CNTNAP2: variants seen among roughly 807,000 people sequenced by gnomAD.
The protein encoded by CNTNAP2 is contactin-associated protein-like 2.
In CNTNAP2, 98 loss-of-function variants were observed where a neutral mutation model predicts 155.2. The ratio of observed to expected loss-of-function variants is 0.63; its 90% CI spans 0.54 to 0.75. The LOEUF (loss-of-function observed/expected upper bound fraction) is 0.75. CNTNAP2 is among the 30% of genes least tolerant of loss of function. The probability of loss-of-function intolerance (pLI) is 0.00; values close to 1 mark genes in which losing one functional copy is unlikely to be tolerated. For missense variants in CNTNAP2, 1,727 were observed against 1,688.1 expected, an observed-to-expected ratio of 1.02 and a Z score of -0.40; for synonymous variants, 651 against 631.2, an observed-to-expected ratio of 1.03 and a Z score of -0.47.
intron 1 of CNTNAP2, among the ~76,000 whole-genome samples, chr7:146,445,259 C>G (rs1396804401): frequency 6.6e-6 from 1 of 152,126 alleles, no homozygotes; most frequent in Non-Finnish European, 1.5e-5. Context: ...GTTGTTGTAA[C>G]TGTAAATGGG....
intron 15 of CNTNAP2, among the ~76,000 whole-genome samples, chr7:148,063,660 G>A (rs558987393): frequency 6.6e-6 from 1 of 151,360 alleles, no homozygotes; most frequent in South Asian, 2.1e-4. Flanking sequence ...TGTAGTGGGT[G>A]ACAACCCACT....
intron 3 of CNTNAP2, among the ~76,000 whole-genome samples, chr7:146,962,477 TTTGG>T (rs1797574329): frequency 1.3e-5 from 2 of 152,198 alleles, no homozygotes; most frequent in African/African-American, 4.8e-5. Context: ...TTTAACCCAC[TTTGG>T]GTAAAATATG....
chr7:146,642,573 G>A (rs1195091901), intron 1 of CNTNAP2, among the ~76,000 whole-genome samples: 1 of 151,458 alleles, frequency 6.6e-6, no homozygotes, highest in African/African-American at 2.4e-5. Context: ...GGACATTTGG[G>A]TTGGTTCCAA....
At chr7:148,142,127 G>A (rs1040104968) in intron 16 of CNTNAP2, among the ~76,000 whole-genome samples, 3 of 151,594 alleles carry the variant, frequency 2.0e-5, no homozygotes, top group Non-Finnish European at 4.4e-5. Flanking sequence ...GTGTGTGTGT[G>A]TGTGTGTTTG....
chr7:146,322,634 C>CTCTTTTTTTTTT (rs748751758), intron 1 of CNTNAP2, among the ~76,000 whole-genome samples: 8 of 64,960 alleles, frequency 1.2e-4, no homozygotes, highest in Non-Finnish European at 1.9e-4. Flanking sequence ...TGTTCATTCT[C>CTCTTTTTTTTTT]TTTTTTTTTT....
chr7:146,999,049 A>G (rs1211463615), intron 3 of CNTNAP2, among the ~76,000 whole-genome samples: 1 of 151,870 alleles, frequency 6.6e-6, no homozygotes, highest in Non-Finnish European at 1.5e-5. Context: ...GTTGTTATAC[A>G]GATTCATTCT....
chr7:146,928,468 A>C (rs757377831), intron 3 of CNTNAP2, among the ~76,000 whole-genome samples: 15 of 152,216 alleles, frequency 9.9e-5, no homozygotes, highest in Non-Finnish European at 1.9e-4. Flanking sequence ...AAGATGGCCA[A>C]ATAGGAACAG....
At chr7:147,838,668 A>G (rs955375472) in intron 13 of CNTNAP2, among the ~76,000 whole-genome samples, 7 of 152,170 alleles carry the variant, frequency 4.6e-5, no homozygotes, top group African/African-American at 1.7e-4. Flanking sequence ...TCCTCATTCC[A>G]TCTGAGACTA....
rs150666074 is a variant in CNTNAP2, at chr7:146,321,823, T to C, written c.97+204850T>C. Among the ~76,000 whole-genome samples the C allele has an allele frequency of 1.5e-3, 228 of 152,300 alleles. 1 individual carries two copies. Among genetic ancestry groups the C allele is most frequent in the African/African-American group, 5.1e-3 (211 of 41,572 alleles). On this transcript the variant is annotated intron_variant, in intron 1 of 23. Coordinates refer to ENST00000361727, the MANE Select transcript of CNTNAP2 (RefSeq NM_014141.6). The stretch of plus-strand genomic sequence containing the variant: ...TCATCTGTGGTCACAAAGGCACAAG[T>C]AATCTAGTTTAAAATATCTAGAATG...
intron 14 of CNTNAP2, among the ~76,000 whole-genome samples, chr7:147,919,108 G>A (rs1800213196): frequency 6.6e-6 from 1 of 152,088 alleles, no homozygotes; most frequent in Non-Finnish European, 1.5e-5. Context: ...GAAGGTGGAG[G>A]AAGAAATCCA....
intron 8 of CNTNAP2, among the ~76,000 whole-genome samples, chr7:147,249,105 A>C (rs1349814778): frequency 1.3e-5 from 2 of 152,194 alleles, no homozygotes; most frequent in African/African-American, 4.8e-5. Flanking sequence ...AAGTTTCATC[A>C]ATATAGCTTG....
intron 3 of CNTNAP2, among the ~76,000 whole-genome samples, chr7:146,888,989 C>T (rs772089424): frequency 3.3e-5 from 5 of 151,904 alleles, no homozygotes; most frequent in Non-Finnish European, 7.4e-5. Flanking sequence ...TAGTTCTTAA[C>T]CACAGAGACA....
intron 3 of CNTNAP2, among the ~76,000 whole-genome samples, chr7:146,947,494 A>G (rs190229229): frequency 7.0e-6 from 1 of 142,862 alleles, no homozygotes; most frequent in Non-Finnish European, 1.5e-5. Context: ...ATATATACAT[A>G]TATATCTTTC....
chr7:148,097,013 C>G (rs1338131015), intron 15 of CNTNAP2, among the ~76,000 whole-genome samples: 1 of 152,104 alleles, frequency 6.6e-6, no homozygotes, highest in Non-Finnish European at 1.5e-5. Context: ...CTTCTCCCAG[C>G]CAAATCCATG....
chr7:146,636,493 G>T (rs1016814051), intron 1 of CNTNAP2, among the ~76,000 whole-genome samples: 28 of 151,880 alleles, frequency 1.8e-4, no homozygotes, highest in African/African-American at 6.8e-4. Context: ...TCCAATTTTT[G>T]CCTCTTATAA....
Position 147,474,992 on chromosome 7 carries a change from C to T in CNTNAP2, c.1671-10943C>T, listed in dbSNP as rs186269667. On this transcript the variant is annotated intron_variant, in intron 10 of 23. Coordinates refer to ENST00000361727, the MANE Select transcript of CNTNAP2 (RefSeq NM_014141.6). ...AAAACAAATGGAAGCATATTATAAA[C>T]GCTGTTCTGTCCCTCTTGCTTTCTT... Among the ~76,000 whole-genome samples, 543 of 152,324 alleles carry T rather than the reference C, an allele frequency of 3.6e-3. 4 individuals are homozygous for T. Among genetic ancestry groups the T allele is most frequent in the African/African-American group, 5.6e-3 (232 of 41,566 alleles).
At chr7:147,686,147 G>T (rs1445913689) in intron 13 of CNTNAP2, among the ~76,000 whole-genome samples, 1 of 152,100 alleles carries the variant, frequency 6.6e-6, no homozygotes, top group Non-Finnish European at 1.5e-5. Context: ...AGGAAGAGAT[G>T]AGAGTGTCTC....
intron 1 of CNTNAP2, among the ~76,000 whole-genome samples, chr7:146,452,182 C>T (rs1563089413): frequency 6.6e-6 from 1 of 152,034 alleles, no homozygotes; most frequent in Non-Finnish European, 1.5e-5. Flanking sequence ...GCTAGGATTA[C>T]AGGAGTGAGC....
intron 3 of CNTNAP2, among the ~76,000 whole-genome samples, chr7:147,041,039 T>A (rs777994633): frequency 2.6e-5 from 4 of 152,236 alleles, no homozygotes; most frequent in Non-Finnish European, 5.9e-5. Flanking sequence ...CTTCAATTAC[T>A]TGTTGCTAAT....
Sources: gnomAD v4.1 joint callset for allele counts (sites outside exome capture counted in the v4.1 genomes callset) on GRCh38, gnomAD v4.1.1 for gene constraint, MANE v1.5 for transcripts, NCBI Gene and HGNC (gene_info 2026-07-23, HGNC 2026-07-21) for gene names.